Variants in FRYL observed in about 807,000 individuals in gnomAD.
FRYL encodes the protein FRY like transcription coactivator.
A neutral mutation model predicts 351.2 loss-of-function variants in FRYL; 150 were observed. That is an observed-to-expected ratio of 0.43 (90% CI 0.37 to 0.49). The LOEUF (loss-of-function observed/expected upper bound fraction) is 0.49, where lower values mean the gene tolerates loss of function less well. FRYL is among the 20% of genes least tolerant of loss of function. The pLI is 0.00. For missense variants in FRYL, 3,036 were observed against 3,619.3 expected (o/e 0.84, Z 4.13); for synonymous variants, 1,153 against 1,257.1 (o/e 0.92, Z 1.75).
Position 48,579,991 on chromosome 4 carries a change from C to A in FRYL, c.2260-750G>T, listed in dbSNP as rs185905206. Among the ~76,000 whole-genome samples the A allele has an allele frequency of 7.3e-5, 11 of 151,292 alleles. No individual in the cohort carries two copies. In the East Asian group the frequency reaches 2.1e-3, roughly 29 times the overall value. On this transcript the variant is annotated intron_variant, in intron 22 of 63. Coordinates refer to ENST00000358350, the MANE Select transcript of FRYL (RefSeq NM_015030.2). ...TCAAATTGCACCGCATAAATATGTA[C>A]AATTGTATCTATTTAAAAATAAATA... is the stretch of plus-strand genomic sequence containing the variant.
At position 48,550,623 on chromosome 4, in the gene FRYL, G is replaced by A; in HGVS notation, c.4602C>T (p.Ser1534=). Residue 1534 remains serine, a synonymous_variant, in exon 38 of 64, where the codon AGC becomes AGT. Coordinates refer to ENST00000358350, the MANE Select transcript of FRYL (RefSeq NM_015030.2). ...CTTCTTCATAAGATCCTCCAGAGCT[G>A]CTACTGTATCGGGATTCTAGTCTGT... ...QHHRLESRYS[S]SSGGSYEEEK... 1.9e-6 allele frequency: 3 copies of A among 1,613,298 alleles called. No homozygotes were observed. The South Asian group carries it at 3.3e-5, about 18-fold the overall frequency.
chr4:48,625,911 T>C (rs1751704860), intron 4 of FRYL, among the ~76,000 whole-genome samples: 3 of 152,238 alleles, frequency 2.0e-5, no homozygotes, highest in Admixed American at 2.0e-4. Flanking sequence ...AATATATATA[T>C]CATACATTAA....
At chr4:48,634,562 T>C (rs1753859451) in intron 3 of FRYL, 72 bp from the exon 4 acceptor site, 1 of 1,200,582 alleles carries the variant, frequency 8.3e-7, no homozygotes. Flanking sequence ...ACTACCCTAT[T>C]TAATTTGTAA....
At position 48,567,551 on chromosome 4, in the gene FRYL, A is replaced by G; in HGVS notation, c.2997-131T>C. On this transcript the variant is annotated intron_variant, in intron 27 of 63. Transcript: ENST00000358350. The surrounding 1 kb of genome is among the most constrained non-coding windows in gnomAD (Gnocchi z 4.2). ...CTCATGGCAGCACGCAACTTAATATATGAAAATTAAATGAATATGATTTTG... is the reference window on the plus strand; with the variant it reads ...CTCATGGCAGCACGCAACTTAATATGTGAAAATTAAATGAATATGATTTTG... 1 of 597,554 alleles carries G rather than the reference A, an allele frequency of 1.7e-6. No individual in the cohort carries two copies. Among genetic ancestry groups the G allele is most frequent in the South Asian group, 2.9e-5 (1 of 34,190 alleles). 37.0% of individuals were successfully genotyped at this position (597,554 alleles called of 1,614,324 possible).
At chr4:48,656,728 C>CTATATATA (rs146914218) in intron 3 of FRYL, among the ~76,000 whole-genome samples, 16 of 144,948 alleles carry the variant, frequency 1.1e-4, no homozygotes, top group African/African-American at 2.5e-4. Flanking sequence ...ATATGACTGA[C>CTATATATA]TATATATATA....
chr4:48,508,312 T>C (rs1721729376), intron 59 of FRYL, among the ~76,000 whole-genome samples: 1 of 152,204 alleles, frequency 6.6e-6, no homozygotes, highest in Admixed American at 6.5e-5. Context: ...AGATTTTGAA[T>C]GAGACTGCAT....
chr4:48,648,233 C>T (rs1165812327), intron 3 of FRYL, among the ~76,000 whole-genome samples: 1 of 151,990 alleles, frequency 6.6e-6, no homozygotes, highest in East Asian at 1.9e-4. Flanking sequence ...ATGAAATCAC[C>T]CCAATCACTG....
chr4:48,702,506 T>C (rs1216081266), intron 2 of FRYL, among the ~76,000 whole-genome samples: 2 of 109,722 alleles, frequency 1.8e-5, no homozygotes, highest in East Asian at 5.6e-4. Context: ...CTGGGCGCGG[T>C]GGCTCACGCT....
At chr4:48,626,295 T>C (rs1751805729) in intron 4 of FRYL, among the ~76,000 whole-genome samples, 1 of 151,420 alleles carries the variant, frequency 6.6e-6, no homozygotes, top group Admixed American at 6.6e-5. Flanking sequence ...TACGTATGCA[T>C]ATGTTTATAT....
Position 48,512,601 on chromosome 4 carries a change from A to G in FRYL, c.8025T>C (p.Phe2675=). The G allele has an allele frequency of 3.1e-6, 5 of 1,614,036 alleles. No homozygotes were observed. The highest frequency in any genetic ancestry group is 4.2e-6 in the Non-Finnish European group (5 of 1,179,930). ...SPFLSAIIAA[F]QPVAYDDEEE... is the part of the protein sequence containing the mutation. ...CTTCATCATCATATGCCACGGGCTG[A>G]AAGGCGGCTATGATGGCAGAAAGAA... is the stretch of plus-strand genomic sequence containing the variant. Residue 2675 remains phenylalanine, a synonymous_variant, in exon 57 of 64, where the codon TTT becomes TTC. Transcript: ENST00000358350.
Position 48,687,070 on chromosome 4 carries a change from G to A in FRYL, c.-203-2275C>T, listed in dbSNP as rs1235987036. On this transcript the variant is annotated intron_variant, in intron 2 of 63. Transcript: ENST00000358350. ...GACCTTTTTCGTCTGTTTACTTGCA[G>A]GACAATCACTTTTTCATCTTGTCTC... Among the ~76,000 whole-genome samples the A allele has an allele frequency of 6.6e-5, 10 of 152,198 alleles. No homozygotes were observed. The South Asian group carries it at 1.7e-3, about 25-fold the overall frequency.
At chr4:48,648,512 T>C (rs549933188) in intron 3 of FRYL, among the ~76,000 whole-genome samples, 1 of 152,292 alleles carries the variant, frequency 6.6e-6, no homozygotes, top group Admixed American at 6.5e-5. Context: ...CAGGGAAGCC[T>C]TCAATTAAAA....
intron 16 of FRYL, among the ~76,000 whole-genome samples, chr4:48,592,631 C>T (rs1335587187): frequency 6.6e-6 from 1 of 152,196 alleles, no homozygotes; most frequent in Admixed American, 6.5e-5. Context: ...TTGCTGGAAA[C>T]CATTTTTGTC....
intron 1 of FRYL, among the ~76,000 whole-genome samples, chr4:48,712,516 G>C (rs1451825517): frequency 1.3e-5 from 2 of 152,150 alleles, no homozygotes; most frequent in Non-Finnish European, 2.9e-5. Flanking sequence ...GAAGTTTAGA[G>C]AAAAAAGAAT....
chr4:48,777,255 T>C (rs1664905566), intron 1 of FRYL, among the ~76,000 whole-genome samples: 1 of 152,238 alleles, frequency 6.6e-6, no homozygotes, highest in Non-Finnish European at 1.5e-5. Context: ...GAACAGATAT[T>C]ATAAACAAAT....
chr4:48,668,988 ATTC>A (rs1189907888), intron 3 of FRYL, among the ~76,000 whole-genome samples: 15 of 152,138 alleles, frequency 9.9e-5, no homozygotes, highest in Non-Finnish European at 1.9e-4. Context: ...ACTTAGCTTT[ATTC>A]TTCTTAACCT....
intron 4 of FRYL, among the ~76,000 whole-genome samples, chr4:48,627,106 A>G (rs1377852241): frequency 6.6e-6 from 1 of 152,146 alleles, no homozygotes; most frequent in Non-Finnish European, 1.5e-5. Flanking sequence ...TAGCTCTAAC[A>G]CTTCAGTGAA....
intron 5 of FRYL, among the ~76,000 whole-genome samples, chr4:48,622,915 A>G (rs1184119864): frequency 2.0e-5 from 3 of 152,166 alleles, no homozygotes; most frequent in African/African-American, 7.2e-5. Context: ...AAAGAGATTA[A>G]CAATGAAAAG....
chr4:48,712,566 T>C lies in FRYL; in HGVS notation c.-383-1868A>G, dbSNP rs182981140. Among the ~76,000 whole-genome samples, 429 of 152,270 alleles carry C rather than the reference T, an allele frequency of 2.8e-3. 1 individual carries two copies. The highest frequency in any genetic ancestry group is 9.8e-3 in the African/African-American group (408 of 41,560). On this transcript the variant is annotated intron_variant, in intron 1 of 63. Transcript: ENST00000358350. ...AAAGCCTCCAAGAAATATGGTACTG[T>C]GTGAAAAGACCAAATCTACGTCTGA...
Sources: gnomAD v4.1 joint callset for allele counts (sites outside exome capture counted in the v4.1 genomes callset) on GRCh38, gnomAD v4.1.1 for gene constraint, Gnocchi (gnomAD v3.1) non-coding constraint, MANE v1.5 for transcripts, NCBI Gene and HGNC (gene_info 2026-07-23, HGNC 2026-07-21) for gene names.